The following RBFOX2 variants were observed in gnomAD, a reference collection of about 807,000 sequenced individuals.
RBFOX2 encodes RNA binding fox-1 homolog 2.
A neutral mutation model predicts 49.1 loss-of-function variants in RBFOX2; 10 were observed. That is an observed-to-expected ratio of 0.20 (90% CI 0.13 to 0.35). The LOEUF is 0.35. Among genes scored for constraint, RBFOX2 ranks in the 10% least tolerant of loss-of-function variants. The pLI is 1.00. For synonymous variants in RBFOX2, 183 were observed against 187.4 expected, an observed-to-expected ratio of 0.98 and a Z score of 0.19; for missense variants, 323 against 486.9, an observed-to-expected ratio of 0.66 and a Z score of 3.17.
chr22:35,743,966 G>GA (rs1055702551), exon 12 of RBFOX2: 4 of 339,794 alleles, frequency 1.2e-5, no homozygotes, highest in Non-Finnish European at 1.5e-5. Context: ...AAAAAAAAAA[G>GA]AAAAAAATGC....
At chr22:36,027,620 A>C (rs1401041762) in intron 1 of RBFOX2, among the ~76,000 whole-genome samples, 1 of 152,228 alleles carries the variant, frequency 6.6e-6, no homozygotes, top group African/African-American at 2.4e-5. Flanking sequence ...GTCTCCCTTC[A>C]GACTCATTAG....
chr22:35,804,197 G>A (rs940988545), intron 2 of RBFOX2, among the ~76,000 whole-genome samples: 7 of 151,998 alleles, frequency 4.6e-5, no homozygotes, highest in East Asian at 1.9e-4. Context: ...AGAATTGGTC[G>A]AACCTGGGAG....
chr22:35,840,179 G>T, intron 1 of RBFOX2: 1 of 1,613,486 alleles, frequency 6.2e-7, no homozygotes, highest in Non-Finnish European at 8.5e-7. Context: ...TGCCGAGGAA[G>T]CACAAATCTT....
At chr22:35,886,635 C>G (rs551658629) in intron 1 of RBFOX2, among the ~76,000 whole-genome samples, 5 of 152,084 alleles carry the variant, frequency 3.3e-5, no homozygotes, top group Non-Finnish European at 5.9e-5. Flanking sequence ...TGTGGGTAAT[C>G]GTAACACAAT....
At position 35,914,776 on chromosome 22, in the gene RBFOX2, G is replaced by A. The variant is rs528978650; in HGVS notation, c.-34+24071C>T. ...GGAGAAGAATGTCACCCGATCCCCGGGGGTAAACAACAGCAAAAGCATCTG... is the reference window on the plus strand; with the variant it reads ...GGAGAAGAATGTCACCCGATCCCCGAGGGTAAACAACAGCAAAAGCATCTG... On this transcript the variant is annotated intron_variant, in intron 1 of 13. Transcript: ENST00000359369. 1.1e-4 allele frequency among the ~76,000 whole-genome samples: 17 copies of A among 152,250 alleles called. No individual in the cohort carries two copies. In the South Asian group the frequency reaches 2.3e-3, roughly 20 times the overall value.
At chr22:35,744,232 A>G (rs1237933970) in exon 12 of RBFOX2, 1 of 1,611,528 alleles carries the variant, frequency 6.2e-7, no homozygotes, top group Admixed American at 1.7e-5. Flanking sequence ...GGCTGTAGCC[A>G]CCTCGGTATA....
intron 1 of RBFOX2, among the ~76,000 whole-genome samples, chr22:35,812,031 C>T (rs199597728): frequency 3.7e-4 from 56 of 150,462 alleles, no homozygotes; most frequent in East Asian, 2.5e-3. Flanking sequence ...GAGGCTGAGG[C>T]GGGCAGATCA....
At chr22:35,996,616 A>G (rs1053053407) in intron 1 of RBFOX2, 1 of 151,982 alleles carries the variant, frequency 6.6e-6, no homozygotes, top group Non-Finnish European at 1.5e-5. Flanking sequence ...GTCTCAAAAA[A>G]AAAAAAAAGA....
chr22:35,778,949 T>C (rs1275135079), intron 3 of RBFOX2, among the ~76,000 whole-genome samples: 1 of 152,182 alleles, frequency 6.6e-6, no homozygotes, highest in Non-Finnish European at 1.5e-5. Context: ...TGAACAACTA[T>C]CCGAATCAAT....
chr22:35,897,328 G>T, intron 1 of RBFOX2: 1 of 1,441,290 alleles, frequency 6.9e-7, no homozygotes, highest in Non-Finnish European at 9.8e-7. Context: ...CAGTAAGTGT[G>T]ATGAAGCCGC....
intron 1 of RBFOX2, among the ~76,000 whole-genome samples, chr22:35,931,325 A>T (rs564762938): frequency 6.6e-6 from 1 of 152,200 alleles, no homozygotes; most frequent in South Asian, 2.1e-4. Context: ...TTAAAAAAAA[A>T]AAAAAAAAGA....
At chr22:35,798,626 T>A (rs1382444004) in intron 2 of RBFOX2, among the ~76,000 whole-genome samples, 1 of 152,184 alleles carries the variant, frequency 6.6e-6, no homozygotes, top group Non-Finnish European at 1.5e-5. Flanking sequence ...AAACAATATC[T>A]GGTACAAAGT....
chr22:35,756,094 T>G lies in RBFOX2; in HGVS notation c.887+3794A>C. ...GGATGGGGTCGAGAAGGCCCCAGTG[T>G]GTGTACTTACATAGAGGTCAGCACC... On this transcript the variant is annotated intron_variant, in intron 9 of 11. Coordinates refer to ENST00000405409, the Ensembl canonical transcript of RBFOX2. The G allele has an allele frequency of 7.0e-7, 1 of 1,431,986 alleles. No individual in the cohort carries two copies. The highest frequency in any genetic ancestry group is 9.2e-7 in the Non-Finnish European group (1 of 1,081,190). 88.7% of individuals were successfully genotyped at this position (1,431,986 alleles called of 1,614,324 possible).
chr22:35,891,581 C>G (rs1420519595), intron 1 of RBFOX2, among the ~76,000 whole-genome samples: 1 of 152,104 alleles, frequency 6.6e-6, no homozygotes, highest in Non-Finnish European at 1.5e-5. Flanking sequence ...AAATAAAATC[C>G]AGAAGTTCAT....
At chr22:35,843,031 G>A (rs1365165967), upstream of RBFOX2, among the ~76,000 whole-genome samples, 2 of 152,122 alleles carry the variant, frequency 1.3e-5, no homozygotes, top group Non-Finnish European at 2.9e-5. Context: ...TGAATGACAG[G>A]CTCATAGTGA....
chr22:35,895,080 CTCTCTCTCTCTCTT>C (rs1252446235), intron 1 of RBFOX2, among the ~76,000 whole-genome samples: 24 of 150,490 alleles, frequency 1.6e-4, no homozygotes, highest in Non-Finnish European at 3.4e-4. Flanking sequence ...GTCCCTCCCT[CTCTCTCTCTCTCTT>C]TCTCTCTCTC....
intron 1 of RBFOX2, among the ~76,000 whole-genome samples, chr22:35,831,862 G>C (rs765386268): frequency 6.6e-6 from 1 of 152,156 alleles, no homozygotes; most frequent in Non-Finnish European, 1.5e-5. Flanking sequence ...AATAATTATT[G>C]ACTTCCATTA....
chr22:35,829,037 C>T (rs1322815421), intron 1 of RBFOX2, among the ~76,000 whole-genome samples: 3 of 151,970 alleles, frequency 2.0e-5, no homozygotes, highest in Non-Finnish European at 4.4e-5. Flanking sequence ...GGCGACAGAG[C>T]GAGACTCCAT....
Position 36,013,120 on chromosome 22 carries a change from T to C in RBFOX2, c.186+15120A>G, listed in dbSNP as rs2058888064. 4.6e-5 allele frequency among the ~76,000 whole-genome samples: 7 copies of C among 152,210 alleles called. No individual in the cohort carries two copies. The South Asian group carries it at 1.5e-3, about 32-fold the overall frequency. On this transcript the variant is annotated intron_variant, in intron 1 of 13. Transcript: ENST00000438146. ...ACAAGGCTACAAAAGTTAACAGATT[T>C]TTCCTTAGCTGGGCATGGTGGCACA...
Sources: allele counts gnomAD v4.1 joint callset (sites outside exome capture counted in the v4.1 genomes callset), GRCh38; gene constraint gnomAD v4.1.1; transcripts MANE v1.5; gene names NCBI Gene and HGNC (gene_info 2026-07-23, HGNC 2026-07-21).